NR5A2: variants seen among roughly 807,000 people sequenced by gnomAD.
NR5A2 encodes the protein CYP7A promoter-binding factor.
A neutral mutation model predicts 62.7 loss-of-function variants in NR5A2; 26 were observed. That is an observed-to-expected ratio of 0.41 (90% confidence interval 0.30 to 0.58). The LOEUF is 0.58. Among genes scored for constraint, NR5A2 ranks in the 20% least tolerant of loss-of-function variants. NR5A2 has a pLI of 0.22. For synonymous variants in NR5A2, 246 were observed against 241.7 expected (o/e 1.02, Z -0.16); for missense variants, 541 against 669.1 (o/e 0.81, Z 2.11).
chr1:200,120,676 G>A, intron 6 of NR5A2, 132 bp from the exon 7 acceptor site: 2 of 937,374 alleles, frequency 2.1e-6, no homozygotes, highest in South Asian at 2.3e-5. Context: ...TGGTCAAATA[G>A]TGAGACCCCA....
intron 7 of NR5A2, among the ~76,000 whole-genome samples, chr1:200,134,016 A>C (rs2102333872): frequency 6.7e-6 from 1 of 149,802 alleles, no homozygotes; most frequent in African/African-American, 2.5e-5. Context: ...TAGATAAATA[A>C]ATTTAAAAAT....
At chr1:200,143,140 T>G (rs555887144) in intron 7 of NR5A2, among the ~76,000 whole-genome samples, 1 of 152,312 alleles carries the variant, frequency 6.6e-6, no homozygotes, top group African/African-American at 2.4e-5. Context: ...CTTTCTCCTG[T>G]CTTGTGTTTT....
chr1:200,029,048 C>T, intron 1 of NR5A2: 1 of 445,648 alleles, frequency 2.2e-6, no homozygotes, highest in Non-Finnish European at 4.5e-6. Flanking sequence ...ACAGAAAATA[C>T]AGGCACAAGA....
intron 4 of NR5A2, among the ~76,000 whole-genome samples, chr1:200,046,907 C>T (rs1161725023): frequency 6.6e-6 from 1 of 152,096 alleles, no homozygotes; most frequent in Non-Finnish European, 1.5e-5. Context: ...TTGTAAATCA[C>T]TTGTGGTACA....
chr1:200,053,590 C>CACACACAT, intron 5 of NR5A2, among the ~76,000 whole-genome samples: 1 of 151,692 alleles, frequency 6.6e-6, no homozygotes, highest in African/African-American at 2.4e-5. Context: ...CACACACACA[C>CACACACAT]ACACACACAC....
chr1:200,029,154 C>T (rs866700119), intron 1 of NR5A2: 2 of 415,882 alleles, frequency 4.8e-6, no homozygotes, highest in Middle Eastern at 3.4e-4. Flanking sequence ...CAGCTCCGCG[C>T]AGCTCCGGTT....
At chr1:200,081,774 T>C (rs1664303730) in intron 5 of NR5A2, among the ~76,000 whole-genome samples, 1 of 152,080 alleles carries the variant, frequency 6.6e-6, no homozygotes, top group Non-Finnish European at 1.5e-5. Context: ...TACCTTTTTT[T>C]TTTTTTTAAC....
At chr1:200,146,639 A>T (rs2102354953) in intron 7 of NR5A2, among the ~76,000 whole-genome samples, 1 of 152,384 alleles carries the variant, frequency 6.6e-6, no homozygotes, top group Middle Eastern at 3.4e-3. Flanking sequence ...ATTATTAAAT[A>T]GCAAATTACT....
chr1:200,137,025 A>T (rs1667252301), intron 7 of NR5A2, among the ~76,000 whole-genome samples: 1 of 152,134 alleles, frequency 6.6e-6, no homozygotes, highest in Admixed American at 6.5e-5. Flanking sequence ...GCTGGAATGC[A>T]GTGGTGTGAT....
At position 200,176,363 on chromosome 1, in the gene NR5A2, GGCGTTGACTCAT is replaced by G. The variant is rs1251125243; in HGVS notation, c.*2157_*2168del. The G allele has an allele frequency of 1.3e-5, 2 of 152,522 alleles. No homozygotes were observed. The highest frequency in any genetic ancestry group is 3.9e-4 in the East Asian group (2 of 5,188). 9.4% of individuals were successfully genotyped at this position (152,522 alleles called of 1,614,324 possible). A position where few individuals can be genotyped will look rare whatever the true frequency, so the allele number is the denominator to read the frequency against. On this transcript the variant is annotated 3_prime_UTR_variant, in exon 8 of 8. Transcript: ENST00000367362. Reference sequence around the variant, plus strand: ...TGAAGGGTACACATTAGGTAAGCTGGGCGTTGACTCATGCGCAGTCTCAGTCACCCGTGTTAT... The same window carrying G: ...TGAAGGGTACACATTAGGTAAGCTGGGCGCAGTCTCAGTCACCCGTGTTAT...
At chr1:200,080,720 A>C (rs1664254517) in intron 5 of NR5A2, among the ~76,000 whole-genome samples, 1 of 152,242 alleles carries the variant, frequency 6.6e-6, no homozygotes, top group East Asian at 1.9e-4. Flanking sequence ...TTCCATTATC[A>C]TCACAGATAC....
At chr1:200,140,467 C>CT (rs2102343731) in intron 7 of NR5A2, among the ~76,000 whole-genome samples, 1 of 152,264 alleles carries the variant, frequency 6.6e-6, no homozygotes, top group South Asian at 2.1e-4. Flanking sequence ...AGATTGACAT[C>CT]TTTTTTCCCA....
Position 200,039,745 on chromosome 1 carries a change from G to A in NR5A2, c.152G>A (p.Gly51Glu), listed in dbSNP as rs1661967976. The A allele has an allele frequency of 1.2e-6, 2 of 1,611,216 alleles. No individual in the cohort carries two copies. The highest frequency in any genetic ancestry group is 1.7e-6 in the Non-Finnish European group (2 of 1,178,742). The change falls in exon 2 of 8, where the codon GGA (glycine) becomes GAA (glutamate). Residue 51 changes from glycine (G) to glutamate (E), a missense_variant. This residue lies in a region of NR5A2 where 108 missense variants were observed against 103.3 expected (regional missense o/e 1.05). Transcript: ENST00000367362. This position sits in a 1 kb window ranked among gnomAD's most constrained non-coding sequence, Gnocchi z 5.1. ...MLPKVETEALGLARSHGEQGQ... is the reference protein window; with the variant it reads ...MLPKVETEALELARSHGEQGQ... ...CCCAAAGTGGAGACGGAAGCCCTGG[G>A]ACTGGCTCGATCGCATGGGGAACAG...
chr1:200,035,548 T>TG (rs928222395), intron 1 of NR5A2, among the ~76,000 whole-genome samples: 2 of 151,398 alleles, frequency 1.3e-5, no homozygotes, highest in African/African-American at 2.4e-5. Context: ...AAGGAGGGGG[T>TG]GGGGAGGAAG....
chr1:200,060,382 AATG>A (rs1410671359), intron 5 of NR5A2, among the ~76,000 whole-genome samples: 4 of 152,230 alleles, frequency 2.6e-5, no homozygotes, highest in African/African-American at 9.6e-5. Context: ...GGCTGCAGTT[AATG>A]ATAATAGGAT....
intron 7 of NR5A2, among the ~76,000 whole-genome samples, chr1:200,152,185 A>G (rs1653161018): frequency 6.6e-6 from 1 of 152,178 alleles, no homozygotes; most frequent in Non-Finnish European, 1.5e-5. Flanking sequence ...TTTCAGCATC[A>G]ATTTGGGCAA....
chr1:200,136,618 T>A (rs2816954), intron 7 of NR5A2, among the ~76,000 whole-genome samples: 126,182 of 152,154 alleles, frequency 0.83, 52,555 homozygotes, highest in East Asian at 0.98. Context: ...CACACTTTAG[T>A]CATCAAAGTC....
Position 200,048,501 on chromosome 1 carries a change from C to T in NR5A2, c.793C>T (p.Pro265Ser), listed in dbSNP as rs778933557. The change falls in exon 5 of 8, where the codon CCT (proline) becomes TCT (serine). Residue 265 changes from proline to serine, a missense_variant. Pro to Ser is a moderately conservative substitution (Grantham distance 74). Around this residue, in one of 3 missense-constraint regions of NR5A2, gnomAD observed 379 missense variants for 442.0 expected, o/e 0.86. Coordinates refer to ENST00000367362, the MANE Select transcript of NR5A2 (RefSeq NM_205860.3). This position sits in a 1 kb window ranked among gnomAD's most constrained non-coding sequence, Gnocchi z 4.8. Reference protein sequence around the residue: ...LQGYQTYGHFPSRAIKSEYPD... With the variant: ...LQGYQTYGHFSSRAIKSEYPD... ...AGGTTACCAAACATATGGCCACTTT[C>T]CTAGCCGGGCCATCAAGTCTGAGTA... 6.2e-7 allele frequency: 1 copy of T among 1,614,088 alleles called. No individual in the cohort carries two copies. Among genetic ancestry groups the T allele is most frequent in the Non-Finnish European group, 8.5e-7 (1 of 1,180,052 alleles).
chr1:200,088,472 G>T (rs1664662523), intron 5 of NR5A2, among the ~76,000 whole-genome samples: 1 of 151,832 alleles, frequency 6.6e-6, no homozygotes, highest in Admixed American at 6.6e-5. Context: ...GCTCAGGCTG[G>T]TCTTGAACTC....
Sources: allele counts gnomAD v4.1 joint callset (sites outside exome capture counted in the v4.1 genomes callset), GRCh38; gene constraint gnomAD v4.1.1; regional missense constraint gnomAD v4.1.1; non-coding constraint Gnocchi (gnomAD v3.1); transcripts MANE v1.5; gene names NCBI Gene and HGNC (gene_info 2026-07-23, HGNC 2026-07-21).